The following GPC5 variants were observed in gnomAD, a reference collection of about 807,000 sequenced individuals.
The protein encoded by GPC5 is glypican 5, also known as glypican-5.
In GPC5, 47 loss-of-function variants were observed where a neutral mutation model predicts 53.9. The ratio of observed to expected loss-of-function variants is 0.87; its 90% CI spans 0.69 to 1.11. The LOEUF (loss-of-function observed/expected upper bound fraction) is 1.11. Ranked by LOEUF, GPC5 falls within the 50% of genes most tolerant of loss-of-function variation. The pLI is 0.00. For missense variants in GPC5, 748 were observed against 713.1 expected, an observed-to-expected ratio of 1.05 and a Z score of -0.56; for synonymous variants, 286 against 263.3, an observed-to-expected ratio of 1.09 and a Z score of -0.84.
chr13:91,661,054 G>A (rs1297395823), intron 2 of GPC5, among the ~76,000 whole-genome samples: 2 of 152,194 alleles, frequency 1.3e-5, no homozygotes, highest in African/African-American at 4.8e-5. Context: ...AATAAGGGCA[G>A]ATTCTACATC....
At chr13:91,598,967 T>A (rs2033088719) in intron 2 of GPC5, among the ~76,000 whole-genome samples, 6 of 152,118 alleles carry the variant, frequency 3.9e-5, no homozygotes, top group Admixed American at 3.9e-4. Context: ...GTATATAGTT[T>A]CAGTTATTTT....
rs145622214 is a variant in GPC5, at chr13:91,493,224, A to G, written c.325+44302A>G. Among the ~76,000 whole-genome samples, 611 of 152,344 alleles carry G rather than the reference A, an allele frequency of 4.0e-3. 4 individuals are homozygous for G. The highest frequency in any genetic ancestry group is 0.014 in the Middle Eastern group (4 of 294). ...TTTAACTTTTAAATTTTGTGGGTACATACTAGGTGTATATATTTGTTGGGT... is the reference window on the plus strand; with the variant it reads ...TTTAACTTTTAAATTTTGTGGGTACGTACTAGGTGTATATATTTGTTGGGT... On this transcript the variant is annotated intron_variant, in intron 2 of 7. Transcript: ENST00000377067.
At chr13:92,536,953 TCTG>T (rs1232420365) in intron 7 of GPC5, among the ~76,000 whole-genome samples, 3 of 152,144 alleles carry the variant, frequency 2.0e-5, no homozygotes, top group Non-Finnish European at 4.4e-5. Context: ...TTTCAAATCT[TCTG>T]CTTTGTTCAT....
At chr13:91,611,418 T>C (rs1195967447) in intron 2 of GPC5, among the ~76,000 whole-genome samples, 1 of 152,202 alleles carries the variant, frequency 6.6e-6, no homozygotes, top group Non-Finnish European at 1.5e-5. Flanking sequence ...TCAGCTGTCA[T>C]AGTTGGCTTC....
intron 4 of GPC5, among the ~76,000 whole-genome samples, chr13:91,740,972 T>G (rs910877236): frequency 1.3e-4 from 20 of 151,952 alleles, no homozygotes; most frequent in Admixed American, 1.3e-3. Context: ...TAAGATGGAG[T>G]CTCAACACCA....
At chr13:91,657,724 A>G (rs2034882500) in intron 2 of GPC5, among the ~76,000 whole-genome samples, 1 of 152,216 alleles carries the variant, frequency 6.6e-6, no homozygotes, top group Non-Finnish European at 1.5e-5. Flanking sequence ...CCTAAGTTAT[A>G]TAACTTGTCA....
At chr13:92,233,965 A>G (rs1490895529) in intron 7 of GPC5, among the ~76,000 whole-genome samples, 1 of 152,124 alleles carries the variant, frequency 6.6e-6, no homozygotes, top group Non-Finnish European at 1.5e-5. Flanking sequence ...AGCTTCATCT[A>G]TGTCCCTACA....
In GPC5 at chr13:91,398,708, GGCAGCAGTT is replaced by G. The variant is rs1876664190; in HGVS notation, c.-330_-322del. On this transcript the variant is annotated 5_prime_UTR_variant, in exon 1 of 8. Transcript: ENST00000377067. ...CGGCAGTGGCGGCAGTGGCGGCAGC[GGCAGCAGTT>G]GCAGCAGTGGTGGCCAGAGCGGATG... 3.9e-6 allele frequency: 1 copy of G among 255,188 alleles called. No homozygotes were observed. Among genetic ancestry groups the G allele is most frequent in the African/African-American group, 2.3e-5 (1 of 44,428 alleles). 15.8% of individuals were successfully genotyped at this position (255,188 alleles called of 1,614,324 possible).
At chr13:92,177,620 AT>A in intron 7 of GPC5, among the ~76,000 whole-genome samples, 1 of 152,176 alleles carries the variant, frequency 6.6e-6, no homozygotes, top group Non-Finnish European at 1.5e-5. Context: ...TCTGATTAAA[AT>A]GATTTCTTGC....
At chr13:92,213,493 T>TC (rs11370030) in intron 7 of GPC5, among the ~76,000 whole-genome samples, 57,325 of 151,948 alleles carry the variant, frequency 0.38, 11,104 homozygotes, top group South Asian at 0.51. Flanking sequence ...TTGACAACAA[T>TC]CATTATCTAG....
chr13:91,901,955 G>A (rs1377560216), intron 5 of GPC5, among the ~76,000 whole-genome samples: 1 of 151,878 alleles, frequency 6.6e-6, no homozygotes, highest in African/African-American at 2.4e-5. Flanking sequence ...ACCCCCGATA[G>A]AAATAGCAAT....
chr13:91,819,507 A>G (rs949809099), intron 5 of GPC5, among the ~76,000 whole-genome samples: 6 of 152,160 alleles, frequency 3.9e-5, no homozygotes, highest in Admixed American at 3.3e-4. Context: ...AACAGCTATC[A>G]TACTATATAG....
intron 7 of GPC5, among the ~76,000 whole-genome samples, chr13:92,467,800 A>G (rs768567376): frequency 6.6e-6 from 1 of 152,104 alleles, no homozygotes; most frequent in African/African-American, 2.4e-5. Flanking sequence ...CCCTCCCCGA[A>G]AAAACATTAT....
At position 91,670,338 on chromosome 13, in the gene GPC5, C is replaced by T. The variant is rs1014814246; in HGVS notation, c.326-22849C>T. Among the ~76,000 whole-genome samples the T allele has an allele frequency of 3.3e-5, 5 of 152,022 alleles. No homozygotes were observed. In the South Asian group the frequency reaches 8.3e-4, roughly 25 times the overall value. On this transcript the variant is annotated intron_variant, in intron 2 of 7. Coordinates refer to ENST00000377067, the MANE Select transcript of GPC5 (RefSeq NM_004466.6). ...AGAGAATTCAGTGTTGAGTCTACTG[C>T]GATAAACAGGGACACGAATGTATAG...
chr13:91,787,281 A>T (rs1198940004), intron 5 of GPC5, among the ~76,000 whole-genome samples: 4 of 152,108 alleles, frequency 2.6e-5, no homozygotes, highest in Non-Finnish European at 5.9e-5. Context: ...TTTTGATTTT[A>T]AGGGGAAGTC....
In GPC5 at chr13:92,842,985, C is replaced by A. The variant is rs184326429; in HGVS notation, c.1562-23297C>A. Among the ~76,000 whole-genome samples the A allele has an allele frequency of 4.6e-5, 7 of 152,288 alleles. No homozygotes were observed. The East Asian group carries it at 1.4e-3, about 29-fold the overall frequency. On this transcript the variant is annotated intron_variant, in intron 7 of 7. Coordinates refer to ENST00000377067, the MANE Select transcript of GPC5 (RefSeq NM_004466.6). ...CGACATAGATCCACTGATTTATTAA[C>A]TGCTTCAACAAGTATTTTTTGAGCA...
chr13:92,384,969 T>C (rs1423573733), intron 7 of GPC5, among the ~76,000 whole-genome samples: 1 of 152,156 alleles, frequency 6.6e-6, no homozygotes, highest in Non-Finnish European at 1.5e-5. Flanking sequence ...AGATCTGATC[T>C]ACCTGGACCT....
intron 7 of GPC5, among the ~76,000 whole-genome samples, chr13:92,440,086 C>T (rs1177368571): frequency 2.0e-5 from 3 of 152,114 alleles, no homozygotes; most frequent in African/African-American, 4.8e-5. Context: ...AATGATGGGA[C>T]AAGACAATGT....
chr13:92,844,532 A>G (rs1469955164), intron 7 of GPC5, among the ~76,000 whole-genome samples: 1 of 143,858 alleles, frequency 7.0e-6, no homozygotes, highest in Non-Finnish European at 1.5e-5. Context: ...CTTTTACAGG[A>G]AAAATGTGTG....
Sources: allele counts gnomAD v4.1 joint callset (sites outside exome capture counted in the v4.1 genomes callset), GRCh38; gene constraint gnomAD v4.1.1; transcripts MANE v1.5; gene names NCBI Gene and HGNC (gene_info 2026-07-23, HGNC 2026-07-21).